The following CEP63 variants were observed in gnomAD, a reference collection of about 807,000 sequenced individuals.
CEP63 encodes the protein centrosomal protein 63.
CEP63 carries 84 observed loss-of-function variants against 89.1 expected under a neutral mutation model. The ratio of observed to expected loss-of-function variants is 0.94; its 90% confidence interval spans 0.79 to 1.13. CEP63 has a LOEUF of 1.13. Among genes scored for constraint, CEP63 ranks in the 50% most tolerant of loss-of-function variants. CEP63 has a pLI of 0.00. For synonymous variants in CEP63, 267 were observed against 272.5 expected (o/e 0.98, Z 0.20); for missense variants, 838 against 813.3 (o/e 1.03, Z -0.37).
the CEP63 span, among the ~76,000 whole-genome samples, chr3:134,646,615 TG>T: frequency 6.6e-6 from 1 of 152,166 alleles, no homozygotes; most frequent in African/African-American, 2.4e-5. Context: ...GTCAGAAGGA[TG>T]GTAGAACATA....
At chr3:134,723,350 C>G in the CEP63 span, among the ~76,000 whole-genome samples, 1 of 152,186 alleles carries the variant, frequency 6.6e-6, no homozygotes, top group Admixed American at 6.5e-5. Flanking sequence ...TGTTTACTGT[C>G]TTGTACCCCT....
the CEP63 span, among the ~76,000 whole-genome samples, chr3:134,738,048 G>A: frequency 6.6e-6 from 1 of 152,092 alleles, no homozygotes; most frequent in Non-Finnish European, 1.5e-5. Flanking sequence ...ATTGCCTGGA[G>A]GCCACCAAAG....
the CEP63 span, among the ~76,000 whole-genome samples, chr3:134,677,696 G>T: frequency 6.6e-6 from 1 of 152,016 alleles, no homozygotes; most frequent in Admixed American, 6.5e-5. Flanking sequence ...CTGCCTCCAT[G>T]CTCAGGACTT....
chr3:134,740,588 T>C, the CEP63 span, among the ~76,000 whole-genome samples: 7 of 152,268 alleles, frequency 4.6e-5, no homozygotes, highest in East Asian at 5.8e-4. Context: ...TGAGCCACCG[T>C]GCCCCGCCTC....
the CEP63 span, among the ~76,000 whole-genome samples, chr3:134,752,578 A>G: frequency 3.4e-4 from 51 of 152,156 alleles, no homozygotes; most frequent in Non-Finnish European, 6.3e-4. Flanking sequence ...CATAGACAGC[A>G]CACTCATTTA....
At chr3:134,486,054 TGA>T (rs1935162821), upstream of CEP63, 1 of 981,808 alleles carries the variant, frequency 1.0e-6, no homozygotes, top group Non-Finnish European at 1.2e-6. Flanking sequence ...CGGATGTGGG[TGA>T]GTTCATTTGC....
chr3:134,648,156 G>C, the CEP63 span, among the ~76,000 whole-genome samples: 5 of 152,216 alleles, frequency 3.3e-5, no homozygotes, highest in Admixed American at 6.5e-5. Flanking sequence ...GGGAGCTGCT[G>C]CAATAAAATT....
At chr3:134,590,254 ATAAT>A (rs1198284719), downstream of CEP63, among the ~76,000 whole-genome samples, 1 of 152,218 alleles carries the variant, frequency 6.6e-6, no homozygotes. Context: ...GTTGAAAAAA[ATAAT>A]TATTCACAGG....
At chr3:134,724,215 G>T in the CEP63 span, among the ~76,000 whole-genome samples, 1 of 152,202 alleles carries the variant, frequency 6.6e-6, no homozygotes, top group Non-Finnish European at 1.5e-5. Flanking sequence ...AATTTGTAAA[G>T]GTAAGAAGTT....
the CEP63 span, among the ~76,000 whole-genome samples, chr3:134,750,146 C>T: frequency 6.6e-6 from 1 of 152,240 alleles, no homozygotes; most frequent in African/African-American, 2.4e-5. Flanking sequence ...TATCCCCTGA[C>T]CAACCTTCCC....
chr3:134,617,884 G>C, the CEP63 span, among the ~76,000 whole-genome samples: 1 of 152,102 alleles, frequency 6.6e-6, no homozygotes, highest in African/African-American at 2.4e-5. Context: ...GACTTTGCTA[G>C]ATAGTGTGAT....
At chr3:134,489,425 CATTA>C (rs1402726128) in intron 1 of CEP63, among the ~76,000 whole-genome samples, 1 of 152,004 alleles carries the variant, frequency 6.6e-6, no homozygotes, top group Non-Finnish European at 1.5e-5. Context: ...CTTCCTATTT[CATTA>C]ATTATCAGGG....
chr3:134,495,389 A>T (rs779818783), intron 2 of CEP63, 25 bp downstream of exon 2: 12 of 1,511,484 alleles, frequency 7.9e-6, no homozygotes, highest in African/African-American at 1.4e-5. Context: ...TTTAAAATTA[A>T]TTTTTTTGGT....
chr3:134,604,581 A>G, the CEP63 span: 1 of 944,526 alleles, frequency 1.1e-6, no homozygotes, highest in Non-Finnish European at 1.6e-6. Flanking sequence ...TGACTTATAG[A>G]GCTTGTCTAT....
At chr3:134,733,461 A>G in the CEP63 span, among the ~76,000 whole-genome samples, 1,189 of 152,326 alleles carry the variant, frequency 7.8e-3, 11 homozygotes, top group African/African-American at 0.026. Flanking sequence ...TAAGAACAAC[A>G]TACAAAGGAA....
the CEP63 span, among the ~76,000 whole-genome samples, chr3:134,654,674 AT>A: frequency 6.6e-6 from 1 of 152,146 alleles, no homozygotes; most frequent in Non-Finnish European, 1.5e-5. Context: ...AGCCTTTGCT[AT>A]TGCTATGATT....
intron 9 of CEP63, among the ~76,000 whole-genome samples, 197 bp downstream of exon 9, chr3:134,547,669 G>A (rs889323580): frequency 7.9e-6 from 1 of 127,114 alleles, no homozygotes; most frequent in African/African-American, 2.9e-5. Flanking sequence ...GGAGTGCAAT[G>A]GCACAATCTC....
At chr3:134,751,325 T>A in the CEP63 span, among the ~76,000 whole-genome samples, 18 of 152,388 alleles carry the variant, frequency 1.2e-4, no homozygotes, top group African/African-American at 4.3e-4. Flanking sequence ...ATAGTGCTGC[T>A]ATGTGTTTCT....
At chr3:134,561,349 C>T in intron 14 of CEP63, 28 bp from the exon 15 acceptor site, 1 of 1,584,518 alleles carries the variant, frequency 6.3e-7, no homozygotes, top group Middle Eastern at 1.7e-4. Flanking sequence ...TACTTATTTA[C>T]ACATGTCAAA....
Sources: gnomAD v4.1 joint callset for allele counts (sites outside exome capture counted in the v4.1 genomes callset) on GRCh38, gnomAD v4.1.1 for gene constraint, MANE v1.5 for transcripts, NCBI Gene and HGNC (gene_info 2026-07-23, HGNC 2026-07-21) for gene names.